The following GSG1L variants were observed in gnomAD, a reference collection of about 807,000 sequenced individuals.
The protein encoded by GSG1L is GSG1 like.
A neutral mutation model predicts 42.1 loss-of-function variants in GSG1L; 24 were observed. That is an observed-to-expected ratio of 0.57 (90% CI 0.41 to 0.80). The LOEUF (loss-of-function observed/expected upper bound fraction) is 0.80, where lower values mean the gene tolerates loss of function less well. Ranked by LOEUF, GSG1L falls within the 30% of genes least tolerant of loss-of-function variation. The probability of loss-of-function intolerance (pLI) is 0.00; values close to 1 mark genes in which losing one functional copy is unlikely to be tolerated. For missense variants in GSG1L, 445 were observed against 472.2 expected, an observed-to-expected ratio of 0.94 and a Z score of 0.53; for synonymous variants, 215 against 203.5, an observed-to-expected ratio of 1.06 and a Z score of -0.48.
At chr16:28,018,801 C>T (rs888275876) in intron 1 of GSG1L, among the ~76,000 whole-genome samples, 1 of 152,144 alleles carries the variant, frequency 6.6e-6, no homozygotes, top group African/African-American at 2.4e-5. Context: ...GCCGCCCCCA[C>T]ATGAAGTGCT....
At chr16:27,843,693 G>A (rs2083413003) in intron 4 of GSG1L, among the ~76,000 whole-genome samples, 1 of 152,094 alleles carries the variant, frequency 6.6e-6, no homozygotes, top group Non-Finnish European at 1.5e-5. Flanking sequence ...ATCCAGCTGT[G>A]TCTGAAGCAG....
intron 5 of GSG1L, among the ~76,000 whole-genome samples, chr16:27,823,497 C>A (rs901341800): frequency 6.6e-6 from 1 of 152,118 alleles, no homozygotes. Context: ...AGTTTAATTT[C>A]TTCCTGTCCA....
intron 2 of GSG1L, among the ~76,000 whole-genome samples, chr16:27,886,545 A>T (rs1205488714): frequency 6.6e-6 from 1 of 152,252 alleles, no homozygotes; most frequent in Non-Finnish European, 1.5e-5. Context: ...AATAGCACAT[A>T]GTAAGAGCTC....
intron 1 of GSG1L, among the ~76,000 whole-genome samples, chr16:28,018,921 G>C (rs1330199356): frequency 6.6e-6 from 1 of 152,150 alleles, no homozygotes; most frequent in African/African-American, 2.4e-5. Context: ...ATGCCAATCA[G>C]TGGACAATTC....
At chr16:27,954,209 G>A (rs528502985) in intron 2 of GSG1L, among the ~76,000 whole-genome samples, 33 of 152,150 alleles carry the variant, frequency 2.2e-4, no homozygotes, top group Non-Finnish European at 4.0e-4. Context: ...TTTCAATACC[G>A]CCAATCATTA....
chr16:27,929,842 A>G (rs893863390), intron 2 of GSG1L, among the ~76,000 whole-genome samples: 1 of 152,084 alleles, frequency 6.6e-6, no homozygotes, highest in Non-Finnish European at 1.5e-5. Context: ...CAGGAATGGG[A>G]GGGAAGAACA....
intron 5 of GSG1L, among the ~76,000 whole-genome samples, chr16:27,822,272 G>T (rs957006851): frequency 6.6e-6 from 1 of 152,196 alleles, no homozygotes; most frequent in African/African-American, 2.4e-5. Context: ...AGTAAACTGC[G>T]AAGTTAATTC....
At chr16:27,979,696 A>AGAGAGAGAGAGAG (rs1567542876) in intron 1 of GSG1L, among the ~76,000 whole-genome samples, 2 of 52,216 alleles carry the variant, frequency 3.8e-5, no homozygotes, top group African/African-American at 7.9e-5. Flanking sequence ...AGAAGGAAGG[A>AGAGAGAGAGAGAG]AGGAAGGAAG....
chr16:28,040,835 C>A lies in GSG1L; in HGVS notation c.349+22241G>T, dbSNP rs2086097250. Among the ~76,000 whole-genome samples the A allele has an allele frequency of 6.6e-6, 1 of 152,202 alleles. No homozygotes were observed. Among genetic ancestry groups the A allele is most frequent in the Admixed American group, 6.5e-5 (1 of 15,278 alleles). ...GAATCAGTTCAGGTTCAGCCAGACA[C>A]TCCTTTTCCATCCAGTATCCCCATC... On this transcript the variant is annotated intron_variant, in intron 1 of 6. Transcript: ENST00000447459. This position sits in a 1 kb window ranked among gnomAD's most constrained non-coding sequence, Gnocchi z 4.1.
At chr16:27,891,549 T>C (rs889542168) in intron 2 of GSG1L, among the ~76,000 whole-genome samples, 1 of 152,206 alleles carries the variant, frequency 6.6e-6, no homozygotes, top group African/African-American at 2.4e-5. Context: ...CATGGCTCAC[T>C]GCAGCCTTAA....
intron 3 of GSG1L, among the ~76,000 whole-genome samples, chr16:27,877,608 A>G (rs1483508141): frequency 6.6e-6 from 1 of 152,126 alleles, no homozygotes; most frequent in Non-Finnish European, 1.5e-5. Context: ...CCTGTCCCTC[A>G]GCCCTGGGGG....
intron 1 of GSG1L, among the ~76,000 whole-genome samples, chr16:27,981,449 C>T (rs2141126002): frequency 6.6e-6 from 1 of 152,284 alleles, no homozygotes; most frequent in African/African-American, 2.4e-5. Context: ...GCCAACAGAT[C>T]TTGTGTGAAG....
At chr16:27,960,415 T>G (rs1334728780) in intron 2 of GSG1L, among the ~76,000 whole-genome samples, 1 of 152,128 alleles carries the variant, frequency 6.6e-6, no homozygotes, top group Non-Finnish European at 1.5e-5. Context: ...AGCCAGTTAG[T>G]GCCAGTGTCG....
intron 1 of GSG1L, among the ~76,000 whole-genome samples, chr16:28,050,356 G>A (rs2086208526): frequency 6.6e-6 from 1 of 152,092 alleles, no homozygotes; most frequent in African/African-American, 2.4e-5. Context: ...AATGTTTTTT[G>A]TAGAGATGGG....
intron 1 of GSG1L, among the ~76,000 whole-genome samples, chr16:28,033,761 A>G (rs1025095790): frequency 5.3e-5 from 8 of 152,272 alleles, no homozygotes; most frequent in Admixed American, 2.6e-4. Flanking sequence ...GTTAAGATGC[A>G]GTAGTATGAA....
rs368290540 is a variant in GSG1L at position 27,905,414 on chromosome 16, C to T, written c.398-20776G>A. 6.6e-5 allele frequency among the ~76,000 whole-genome samples: 10 copies of T among 150,834 alleles called. No homozygotes were observed. In the Admixed American group the frequency reaches 6.6e-4, roughly 10 times the overall value. The stretch of plus-strand genomic sequence containing the variant: ...ATCATAGCTCACTGCACCTCCTGGG[C>T]TCAAGTGATCCTCCCCACCTCAACC... On this transcript the variant is annotated intron_variant, in intron 2 of 6. Transcript: ENST00000447459.
chr16:28,006,290 T>C lies in GSG1L; in HGVS notation c.350-43087A>G, dbSNP rs982255149. Among the ~76,000 whole-genome samples the C allele has an allele frequency of 6.5e-4, 89 of 137,710 alleles. 2 individuals carry two copies. The highest frequency in any genetic ancestry group is 3.6e-3 in the Middle Eastern group (1 of 278). 90.3% of individuals were successfully genotyped at this position (137,710 alleles called of 152,430 possible). A position where few individuals can be genotyped will look rare whatever the true frequency, so the allele number is the denominator to read the frequency against. ...AAGGCACAGCCTGCCAACACCTTGA[T>C]TGTATTTTATTTATTTATTTATTTA... On this transcript the variant is annotated intron_variant, in intron 1 of 6. Transcript: ENST00000447459.
chr16:28,040,826 AG>A lies in GSG1L; in HGVS notation c.349+22249del, dbSNP rs1374734482. On this transcript the variant is annotated intron_variant, in intron 1 of 6. Coordinates refer to ENST00000447459, the MANE Select transcript of GSG1L (RefSeq NM_001109763.2). This position sits in a 1 kb window ranked among gnomAD's most constrained non-coding sequence, Gnocchi z 4.1. ...CATCTCCTAGAATCAGTTCAGGTTC[AG>A]CCAGACACTCCTTTTCCATCCAGTA... Among the ~76,000 whole-genome samples the A allele has an allele frequency of 1.3e-5, 2 of 152,192 alleles. No individual in the cohort carries two copies. Among genetic ancestry groups the A allele is most frequent in the Admixed American group, 6.5e-5 (1 of 15,282 alleles).
intron 1 of GSG1L, among the ~76,000 whole-genome samples, chr16:27,967,077 A>G (rs993814914): frequency 3.9e-5 from 6 of 152,218 alleles, no homozygotes; most frequent in Admixed American, 3.9e-4. Context: ...TCAGGATGTT[A>G]CTGCTGGTCC....
Sources: gnomAD v4.1 joint callset for allele counts (sites outside exome capture counted in the v4.1 genomes callset) on GRCh38, gnomAD v4.1.1 for gene constraint, Gnocchi (gnomAD v3.1) non-coding constraint, MANE v1.5 for transcripts, NCBI Gene and HGNC (gene_info 2026-07-23, HGNC 2026-07-21) for gene names.